The following POU2F1 variants were observed in gnomAD, a reference collection of about 807,000 sequenced individuals.
The protein encoded by POU2F1 is POU domain, class 2, transcription factor 1.
In POU2F1, 16 loss-of-function variants were observed where a neutral mutation model predicts 84.9. The observed-to-expected ratio is 0.19, with a 90% confidence interval of 0.13 to 0.29. The LOEUF is 0.29. Ranked by LOEUF, POU2F1 falls within the 10% of genes least tolerant of loss-of-function variation. The pLI is 1.00. For missense variants in POU2F1, 738 were observed against 942.6 expected (o/e 0.78, Z 2.84); for synonymous variants, 368 against 368.3 (o/e 1.00, Z 0.01).
Position 167,421,912 on chromosome 1 carries a change from T to G in POU2F1, c.*6102T>G, listed in dbSNP as rs1571488855. Reference sequence around the variant, plus strand: ...TTACAATTTATAGGGTTAGGGAGGGTTGGGTGGGGGAAGAGGAGATGTTGA... The same window carrying G: ...TTACAATTTATAGGGTTAGGGAGGGGTGGGTGGGGGAAGAGGAGATGTTGA... On this transcript the variant is annotated 3_prime_UTR_variant, in exon 16 of 16. Transcript: ENST00000367866. 1 of 147,042 alleles carries G rather than the reference T, an allele frequency of 6.8e-6. No homozygotes were observed. Among genetic ancestry groups the G allele is most frequent in the Non-Finnish European group, 1.5e-5 (1 of 66,724 alleles). The allele number at this position is 147,042 out of a possible 1,614,324, so 9.1% of individuals were successfully genotyped here.
intron 2 of POU2F1, 134 bp from the exon 3 acceptor site, chr1:167,365,332 GA>G: frequency 1.8e-6 from 1 of 542,752 alleles, no homozygotes; most frequent in Non-Finnish European, 3.2e-6. Flanking sequence ...CCTTTCTTTT[GA>G]ATCCCTTCTC....
chr1:167,370,281 G>A (rs1659927277), intron 4 of POU2F1, 67 bp downstream of exon 4: 3 of 1,322,744 alleles, frequency 2.3e-6, no homozygotes, highest in Non-Finnish European at 3.1e-6. Context: ...TCTGTAGTGA[G>A]CATATATTTT....
chr1:167,315,998 T>G (rs910435277), intron 1 of POU2F1, among the ~76,000 whole-genome samples: 3 of 152,184 alleles, frequency 2.0e-5, no homozygotes, highest in Admixed American at 6.5e-5. Flanking sequence ...ATGTTTCCAT[T>G]TATATAACAT....
Position 167,365,727 on chromosome 1 carries a change from A to G in POU2F1, c.228+160A>G, listed in dbSNP as rs189714367. On this transcript the variant is annotated intron_variant, in intron 3 of 15. Coordinates refer to ENST00000367866, the MANE Select transcript of POU2F1 (RefSeq NM_002697.4). ...TTCTATTTGGTTAGTATGAAATCCT[A>G]TGGTTTAGTTGAGTGTATAGTCATT... 6.7e-3 allele frequency among the ~76,000 whole-genome samples: 1,028 copies of G among 152,336 alleles called. 14 individuals are homozygous for G. Among genetic ancestry groups the G allele is most frequent in the African/African-American group, 0.024 (995 of 41,568 alleles).
chr1:167,386,254 A>T (rs911303327), intron 8 of POU2F1, among the ~76,000 whole-genome samples: 30 of 152,288 alleles, frequency 2.0e-4, no homozygotes, highest in African/African-American at 6.7e-4. Flanking sequence ...GTGCAGTGGC[A>T]CAATCACAGC....
chr1:167,237,201 A>G (rs1649528102), intron 1 of POU2F1, among the ~76,000 whole-genome samples: 4 of 152,206 alleles, frequency 2.6e-5, no homozygotes, highest in Admixed American at 6.5e-5. Context: ...GTGAGAAAAG[A>G]TGACAGTGAC....
At chr1:167,377,322 G>C (rs113436604) in intron 7 of POU2F1, among the ~76,000 whole-genome samples, 15,839 of 152,058 alleles carry the variant, frequency 0.1, 2,135 homozygotes, top group African/African-American at 0.32. Context: ...CGTGGTGGCT[G>C]ACGCCTGTAA....
At chr1:167,280,763 C>A (rs537480946) in intron 1 of POU2F1, among the ~76,000 whole-genome samples, 52 of 152,276 alleles carry the variant, frequency 3.4e-4, no homozygotes, top group South Asian at 3.1e-3. Flanking sequence ...GTAAGATTTT[C>A]CTTCTTTCCA....
intron 2 of POU2F1, chr1:167,338,021 AGGATT>A: frequency 2.5e-6 from 1 of 404,112 alleles, no homozygotes; most frequent in Non-Finnish European, 4.9e-6. Context: ...TGGTGGAAGA[AGGATT>A]GGTAGCATAT....
At chr1:167,311,771 C>CATTCATTTATTT (rs1553206350) in intron 1 of POU2F1, among the ~76,000 whole-genome samples, 3 of 144,636 alleles carry the variant, frequency 2.1e-5, no homozygotes, top group Non-Finnish European at 3.0e-5. Flanking sequence ...TACAAAAAAT[C>CATTCATTTATTT]ATTTATTTAT....
chr1:167,310,401 CCTAT>C (rs1655383760), intron 1 of POU2F1, among the ~76,000 whole-genome samples: 1 of 151,844 alleles, frequency 6.6e-6, no homozygotes, highest in African/African-American at 2.4e-5. Flanking sequence ...AAATGAAAAT[CCTAT>C]CTATTTCTTT....
intron 12 of POU2F1, 42 bp from the exon 13 acceptor site, chr1:167,401,409 G>T (rs1368211107): frequency 2.9e-6 from 4 of 1,388,256 alleles, no homozygotes; most frequent in Non-Finnish European, 4.0e-6. Context: ...TTTAAGTTTT[G>T]ATTTTAAGTG....
At chr1:167,415,221 G>A (rs1382273445) in intron 15 of POU2F1, among the ~76,000 whole-genome samples, 1 of 152,156 alleles carries the variant, frequency 6.6e-6, no homozygotes, top group Non-Finnish European at 1.5e-5. Context: ...TTCAAGACAC[G>A]AACATGACTC....
intron 1 of POU2F1, among the ~76,000 whole-genome samples, chr1:167,253,635 C>T (rs1396179313): frequency 1.3e-5 from 2 of 152,076 alleles, no homozygotes; most frequent in African/African-American, 4.8e-5. Flanking sequence ...CCATGTTGCC[C>T]AGGCTGGTCT....
At chr1:167,310,796 T>G (rs140450929) in intron 1 of POU2F1, among the ~76,000 whole-genome samples, 1 of 152,150 alleles carries the variant, frequency 6.6e-6, no homozygotes, top group South Asian at 2.1e-4. Flanking sequence ...GAAATAGGCC[T>G]CAGTAGATAG....
At chr1:167,357,339 TG>T (rs1659004729) in intron 2 of POU2F1, 2 of 102,772 alleles carry the variant, frequency 1.9e-5, no homozygotes, top group Non-Finnish European at 3.9e-5. Flanking sequence ...ATGCCAAGAT[TG>T]CCCCCCCTCC....
rs1009024402 is a variant in POU2F1 at position 167,419,526 on chromosome 1, T to C, written c.*3716T>C. 6.6e-6 allele frequency: 1 copy of C among 152,216 alleles called. No homozygotes were observed. The highest frequency in any genetic ancestry group is 6.5e-5 in the Admixed American group (1 of 15,284). 9.4% of individuals were successfully genotyped at this position (152,216 alleles called of 1,614,324 possible). ...TGGTGCAATTTGGTCATAAACTTTA[T>C]TTATACCCTGTATACATCTGAATAA... On this transcript the variant is annotated 3_prime_UTR_variant, in exon 16 of 16. Coordinates refer to ENST00000367866, the MANE Select transcript of POU2F1 (RefSeq NM_002697.4).
Position 167,271,171 on chromosome 1 carries a change from A to C in POU2F1, c.61+50213A>C, listed in dbSNP as rs1325007672. Among the ~76,000 whole-genome samples, 3 of 152,256 alleles carry C rather than the reference A, an allele frequency of 2.0e-5. No individual in the cohort carries two copies. The South Asian group carries it at 6.2e-4, about 31-fold the overall frequency. On this transcript the variant is annotated intron_variant, in intron 1 of 15. Transcript: ENST00000367866. ...TTAAAACATTTTCGGTTATTATCCT[A>C]ATATTAATACAATAATAGTCATTAG...
intron 1 of POU2F1, among the ~76,000 whole-genome samples, chr1:167,296,944 G>A (rs990139678): frequency 3.3e-5 from 5 of 151,816 alleles, no homozygotes; most frequent in Admixed American, 6.6e-5. Context: ...ATGCTGTATG[G>A]GAAGACTGAT....
Sources: allele counts gnomAD v4.1 joint callset (sites outside exome capture counted in the v4.1 genomes callset), GRCh38; gene constraint gnomAD v4.1.1; transcripts MANE v1.5; gene names NCBI Gene and HGNC (gene_info 2026-07-23, HGNC 2026-07-21).